SEMA4D: variants seen among roughly 807,000 people sequenced by gnomAD.
SEMA4D encodes the protein semaphorin 4D, also known as semaphorin-4D.
A neutral mutation model predicts 74.8 loss-of-function variants in SEMA4D; 22 were observed. That is an observed-to-expected ratio of 0.29 (90% CI 0.21 to 0.42). The LOEUF is 0.42. SEMA4D is among the 10% of genes least tolerant of loss of function. The probability of loss-of-function intolerance (pLI) is 1.00; values close to 1 mark genes in which losing one functional copy is unlikely to be tolerated. For missense variants in SEMA4D, 937 were observed against 1,118.4 expected (o/e 0.84, Z 2.31); for synonymous variants, 445 against 463.7 (o/e 0.96, Z 0.52).
chr9:89,441,271 C>G (rs1186110715), intron 2 of SEMA4D, among the ~76,000 whole-genome samples: 1 of 152,286 alleles, frequency 6.6e-6, no homozygotes, highest in Non-Finnish European at 1.5e-5. Flanking sequence ...GCGCAGGACT[C>G]GGCCGGGCGG....
At chr9:89,465,229 G>A (rs1255462359) in intron 1 of SEMA4D, among the ~76,000 whole-genome samples, 1 of 152,104 alleles carries the variant, frequency 6.6e-6, no homozygotes, top group African/African-American at 2.4e-5. Flanking sequence ...TTAGTCCGGT[G>A]CATCCCGCGG....
At chr9:89,456,862 C>T (rs925162957) in intron 1 of SEMA4D, among the ~76,000 whole-genome samples, 5 of 152,320 alleles carry the variant, frequency 3.3e-5, no homozygotes, top group Admixed American at 2.0e-4. Context: ...GCTGGGATTA[C>T]AGGCATGAGC....
intron 2 of SEMA4D, among the ~76,000 whole-genome samples, chr9:89,436,998 G>A (rs1034568742): frequency 6.6e-6 from 1 of 151,896 alleles, no homozygotes; most frequent in Non-Finnish European, 1.5e-5. Context: ...GTCCAGCCTT[G>A]GACTCAGGAA....
intron 3 of SEMA4D, 55 bp downstream of exon 3, chr9:89,405,296 G>T: frequency 6.7e-7 from 1 of 1,485,122 alleles, no homozygotes; most frequent in Non-Finnish European, 9.4e-7. Flanking sequence ...CAGCATCCCA[G>T]GCAGTGAGGT....
chr9:89,450,663 A>AAAAAAAAAAAAAAAAAAACAG, intron 2 of SEMA4D: 1 of 92,952 alleles, frequency 1.1e-5, no homozygotes, highest in Non-Finnish European at 1.7e-5. Flanking sequence ...AACCCAGGAA[A>AAAAAAAAAAAAAAAAAAACAG]AAAAAAAAAA....
intron 1 of SEMA4D, among the ~76,000 whole-genome samples, chr9:89,468,165 C>T (rs576176516): frequency 1.3e-5 from 2 of 152,350 alleles, no homozygotes; most frequent in East Asian, 3.9e-4. Flanking sequence ...CACTCCACTC[C>T]ACCTGCAACA....
At chr9:89,396,006 GA>G (rs1198549899) in intron 6 of SEMA4D, among the ~76,000 whole-genome samples, 2 of 152,112 alleles carry the variant, frequency 1.3e-5, no homozygotes, top group African/African-American at 2.4e-5. Context: ...CTCCCTCTCT[GA>G]TGATCATCAC....
chr9:89,427,150 C>T (rs1052651013), intron 2 of SEMA4D, among the ~76,000 whole-genome samples: 2 of 152,200 alleles, frequency 1.3e-5, no homozygotes, highest in Non-Finnish European at 2.9e-5. Flanking sequence ...CCACGTTCAA[C>T]TCACTAAATC....
At chr9:89,466,576 C>T (rs1858773001) in intron 1 of SEMA4D, among the ~76,000 whole-genome samples, 1 of 152,214 alleles carries the variant, frequency 6.6e-6, no homozygotes, top group South Asian at 2.1e-4. Context: ...ATCGAGGGAG[C>T]ACACAGCCCC....
At chr9:89,449,655 C>T (rs777042602) in intron 2 of SEMA4D, 70 of 1,479,314 alleles carry the variant, frequency 4.7e-5, no homozygotes, top group Non-Finnish European at 6.0e-5. Flanking sequence ...TGGGGTACTT[C>T]GGTCCTTGGT....
chr9:89,480,681 C>T (rs557191510), intron 1 of SEMA4D, among the ~76,000 whole-genome samples: 1 of 152,234 alleles, frequency 6.6e-6, no homozygotes. Context: ...CCCCATTGCC[C>T]GGGGCCAGAA....
At position 89,492,816 on chromosome 9, in the gene SEMA4D, G is replaced by A. The variant is rs1052429581; in HGVS notation, c.-310+5103C>T. Reference sequence around the variant, plus strand: ...GCTCCTGCAAGGCCCGCCCCGCACCGCCCTCCTACCATTGCTCATGTGTGC... The same window carrying A: ...GCTCCTGCAAGGCCCGCCCCGCACCACCCTCCTACCATTGCTCATGTGTGC... On this transcript the variant is annotated intron_variant, in intron 1 of 15. Transcript: ENST00000422704. This position sits in a 1 kb window ranked among gnomAD's most constrained non-coding sequence, Gnocchi z 4.3. Among the ~76,000 whole-genome samples, 5 of 151,974 alleles carry A rather than the reference G, an allele frequency of 3.3e-5. No homozygotes were observed. The highest frequency in any genetic ancestry group is 7.3e-5 in the African/African-American group (3 of 41,354).
At chr9:89,404,546 C>T (rs1395533361) in intron 3 of SEMA4D, among the ~76,000 whole-genome samples, 1 of 102,360 alleles carries the variant, frequency 9.8e-6, no homozygotes, top group Non-Finnish European at 2.8e-5. Flanking sequence ...AGTTCCTGTC[C>T]CGTCCCCAGC....
chr9:89,480,412 C>A (rs553153601), intron 1 of SEMA4D, among the ~76,000 whole-genome samples: 10 of 152,226 alleles, frequency 6.6e-5, no homozygotes, highest in Non-Finnish European at 1.2e-4. Flanking sequence ...CTGTGCCGTG[C>A]GCTCGCATTC....
intron 13 of SEMA4D, among the ~76,000 whole-genome samples, chr9:89,383,196 G>A (rs1157148165): frequency 1.3e-5 from 2 of 152,166 alleles, no homozygotes; most frequent in African/African-American, 4.8e-5. Context: ...TAGCCTCCAA[G>A]TCTGTCCCTG....
At position 89,420,410 on chromosome 9, in the gene SEMA4D, G is replaced by T. The variant is rs1846660354; in HGVS notation, c.-243-14711C>A. ...CAACTCCTGACAGCACAGGTAAAAA[G>T]AATCCAATGGCCTGTTCATCAAAAA... On this transcript the variant is annotated intron_variant, in intron 2 of 15. Coordinates refer to ENST00000422704, the MANE Select transcript of SEMA4D (RefSeq NM_001371194.2). 2.6e-5 allele frequency among the ~76,000 whole-genome samples: 4 copies of T among 152,208 alleles called. No individual in the cohort carries two copies. In the South Asian group the frequency reaches 8.3e-4, roughly 31 times the overall value.
At chr9:89,374,045 G>A (rs1031866269), downstream of SEMA4D, among the ~76,000 whole-genome samples, 4 of 152,228 alleles carry the variant, frequency 2.6e-5, no homozygotes, top group South Asian at 4.1e-4. Context: ...TCCTAAGCTG[G>A]TGCTCCCTGG....
At chr9:89,363,726 A>G (rs1243587574) in intron 17 of SEMA4D, 3 of 1,609,512 alleles carry the variant, frequency 1.9e-6, no homozygotes, top group African/African-American at 2.7e-5. Context: ...AACAGTGGGC[A>G]TGGGAATCAC....
At chr9:89,477,303 C>A (rs1862007671) in intron 1 of SEMA4D, among the ~76,000 whole-genome samples, 1 of 151,992 alleles carries the variant, frequency 6.6e-6, no homozygotes. Flanking sequence ...TACACACATG[C>A]ATGCACCCCC....
Sources: gnomAD v4.1 joint callset for allele counts (sites outside exome capture counted in the v4.1 genomes callset) on GRCh38, gnomAD v4.1.1 for gene constraint, Gnocchi (gnomAD v3.1) non-coding constraint, MANE v1.5 for transcripts, NCBI Gene and HGNC (gene_info 2026-07-23, HGNC 2026-07-21) for gene names.